SGCZ: variants seen among roughly 807,000 people sequenced by gnomAD.
SGCZ encodes the protein sarcoglycan zeta.
Under a neutral mutation model 41.3 loss-of-function variants are expected in SGCZ, and 40 were observed. That is an observed-to-expected ratio of 0.97 (90% confidence interval 0.75 to 1.26). The LOEUF (loss-of-function observed/expected upper bound fraction) is 1.26. Ranked by LOEUF, SGCZ falls within the 50% of genes most tolerant of loss-of-function variation. SGCZ has a pLI of 0.00. For synonymous variants in SGCZ, 206 were observed against 137.5 expected, an observed-to-expected ratio of 1.50 and a Z score of -3.49; for missense variants, 552 against 369.8, an observed-to-expected ratio of 1.49 and a Z score of -4.04.
chr8:15,169,029 T>A (rs1799750347), intron 1 of SGCZ, among the ~76,000 whole-genome samples: 1 of 152,194 alleles, frequency 6.6e-6, no homozygotes, highest in African/African-American at 2.4e-5. Context: ...TTTTGATACA[T>A]GTTTTCTAAT....
chr8:14,440,759 G>A (rs987795050), intron 2 of SGCZ, among the ~76,000 whole-genome samples: 1 of 114,228 alleles, frequency 8.8e-6, no homozygotes, highest in Non-Finnish European at 2.0e-5. Flanking sequence ...ACGTATACAC[G>A]TATATGTATA....
At position 14,551,555 on chromosome 8, in the gene SGCZ, TATA is replaced by T. The variant is rs869207317; in HGVS notation, c.234+3174_234+3176del. 5.8e-4 allele frequency among the ~76,000 whole-genome samples: 11 copies of T among 18,982 alleles called. No homozygotes were observed. In the East Asian group the frequency reaches 0.032, roughly 55 times the overall value. 12.5% of individuals were successfully genotyped at this position (18,982 alleles called of 152,430 possible). A position where few individuals can be genotyped will look rare whatever the true frequency, so the allele number is the denominator to read the frequency against. ...TATAATATATATAATATATATAATATATATTATATATATAATATATATATAATA... is the reference window on the plus strand; with the variant it reads ...TATAATATATATAATATATATAATATTTATATATATAATATATATATAATA... On this transcript the variant is annotated intron_variant, in intron 2 of 7. Transcript: ENST00000382080.
At chr8:15,186,262 CA>C (rs61237091) in intron 1 of SGCZ, among the ~76,000 whole-genome samples, 105 of 80,650 alleles carry the variant, frequency 1.3e-3, no homozygotes, top group African/African-American at 4.5e-3. Flanking sequence ...GATTCCGTAC[CA>C]AAAAAAAAAA....
chr8:14,631,092 C>A (rs943149751), intron 1 of SGCZ, among the ~76,000 whole-genome samples: 2 of 151,912 alleles, frequency 1.3e-5, no homozygotes, highest in Non-Finnish European at 2.9e-5. Flanking sequence ...CATTGGCTTG[C>A]TTTCCTATTT....
At chr8:14,320,743 C>T (rs1801889982) in intron 3 of SGCZ, among the ~76,000 whole-genome samples, 1 of 151,988 alleles carries the variant, frequency 6.6e-6, no homozygotes, top group Non-Finnish European at 1.5e-5. Flanking sequence ...GTAGTAGTTC[C>T]TCTGTCACCA....
At chr8:14,975,587 C>T (rs1025047420) in intron 1 of SGCZ, among the ~76,000 whole-genome samples, 6 of 151,968 alleles carry the variant, frequency 3.9e-5, no homozygotes, top group African/African-American at 1.4e-4. Context: ...GGATTTTCAG[C>T]TTCCACTGAC....
chr8:14,239,570 G>C (rs1798785093), intron 3 of SGCZ, among the ~76,000 whole-genome samples: 1 of 152,020 alleles, frequency 6.6e-6, no homozygotes, highest in Non-Finnish European at 1.5e-5. Flanking sequence ...GTCAACAATA[G>C]AGTAAAACAC....
chr8:14,450,812 C>A (rs1163749354), intron 2 of SGCZ, among the ~76,000 whole-genome samples: 2 of 152,150 alleles, frequency 1.3e-5, no homozygotes, highest in Non-Finnish European at 2.9e-5. Context: ...ACACTAAGGA[C>A]AGAATTACCT....
intron 1 of SGCZ, among the ~76,000 whole-genome samples, chr8:14,570,822 AT>A (rs1158434984): frequency 2.0e-5 from 3 of 152,144 alleles, no homozygotes; most frequent in African/African-American, 7.2e-5. Context: ...AAAGAGTTTT[AT>A]TTTATTCCAG....
chr8:14,594,171 T>A (rs1408474823), intron 1 of SGCZ, among the ~76,000 whole-genome samples: 1 of 137,980 alleles, frequency 7.2e-6, no homozygotes, highest in East Asian at 2.1e-4. Context: ...CAAGACTCCA[T>A]CTCAAAAAAT....
intron 5 of SGCZ, among the ~76,000 whole-genome samples, chr8:14,143,435 C>A (rs540525775): frequency 6.6e-6 from 1 of 152,090 alleles, no homozygotes; most frequent in Admixed American, 6.5e-5. Context: ...AATGTGAAAA[C>A]AATTTTCTAT....
intron 2 of SGCZ, among the ~76,000 whole-genome samples, chr8:14,345,471 G>A (rs1802861894): frequency 6.6e-6 from 1 of 152,218 alleles, no homozygotes; most frequent in Admixed American, 6.5e-5. Context: ...GCAAATAAAT[G>A]TATGGGTATA....
intron 1 of SGCZ, among the ~76,000 whole-genome samples, chr8:15,160,002 T>C (rs150305572): frequency 7.4e-4 from 113 of 152,014 alleles, no homozygotes; most frequent in Non-Finnish European, 1.3e-3. Flanking sequence ...GATTTTTTTG[T>C]TGTTTTTCAC....
At chr8:15,184,694 C>T (rs959304857) in intron 1 of SGCZ, among the ~76,000 whole-genome samples, 13 of 152,186 alleles carry the variant, frequency 8.5e-5, no homozygotes, top group East Asian at 1.9e-4. Flanking sequence ...TTTGGTGTTC[C>T]GGAAGCGGAA....
chr8:15,150,876 A>G (rs947151315), intron 1 of SGCZ, among the ~76,000 whole-genome samples: 68 of 152,206 alleles, frequency 4.5e-4, no homozygotes, highest in African/African-American at 1.6e-3. Flanking sequence ...GGTAGTCTCT[A>G]AAATGGCCTC....
chr8:14,486,150 T>C (rs532227308), intron 2 of SGCZ, among the ~76,000 whole-genome samples: 1 of 152,362 alleles, frequency 6.6e-6, no homozygotes, highest in South Asian at 2.1e-4. Context: ...AAAGTTGTTC[T>C]GGTTTGGACA....
intron 1 of SGCZ, among the ~76,000 whole-genome samples, chr8:14,924,875 T>G (rs1460335346): frequency 1.7e-5 from 2 of 115,520 alleles, no homozygotes; most frequent in Non-Finnish European, 3.5e-5. Context: ...TTTTTTTTTT[T>G]GAGACAGATT....
intron 4 of SGCZ, among the ~76,000 whole-genome samples, chr8:14,193,116 A>C (rs920990366): frequency 2.6e-5 from 4 of 151,796 alleles, no homozygotes; most frequent in Non-Finnish European, 5.9e-5. Flanking sequence ...ATTATTCTTA[A>C]ATCAAGTTTT....
chr8:14,785,454 A>G (rs1447002895), intron 1 of SGCZ, among the ~76,000 whole-genome samples: 2 of 152,142 alleles, frequency 1.3e-5, no homozygotes, highest in African/African-American at 4.8e-5. Flanking sequence ...AAAATTTAAA[A>G]TGCATGGTAT....
Sources: allele counts gnomAD v4.1 joint callset (sites outside exome capture counted in the v4.1 genomes callset), GRCh38; gene constraint gnomAD v4.1.1; transcripts MANE v1.5; gene names NCBI Gene and HGNC (gene_info 2026-07-23, HGNC 2026-07-21).